PGM3: variants seen among roughly 807,000 people sequenced by gnomAD.
The protein encoded by PGM3 is phosphoglucomutase 3, also known as phosphoacetylglucosamine mutase.
A neutral mutation model predicts 66.2 loss-of-function variants in PGM3; 40 were observed. That is an observed-to-expected ratio of 0.60 (90% CI 0.47 to 0.79). The LOEUF is 0.79. PGM3 is among the 30% of genes least tolerant of loss of function. The probability of loss-of-function intolerance (pLI) is 0.00; values close to 1 mark genes in which losing one functional copy is unlikely to be tolerated. For synonymous variants in PGM3, 191 were observed against 224.2 expected (o/e 0.85, Z 1.32); for missense variants, 537 against 643.4 (o/e 0.83, Z 1.79).
rs998408838 is a variant in PGM3, at chr6:83,166,818, A to C, written c.*2416T>G. ...ATATTAAATTATTAGGTAAACAATG[A>C]AAGTTTCTGAGCAACATCTGATCTT... On this transcript the variant is annotated 3_prime_UTR_variant, in exon 13 of 13. Coordinates refer to ENST00000513973, the MANE Select transcript of PGM3 (RefSeq NM_015599.3). 3.9e-6 allele frequency: 4 copies of C among 1,015,548 alleles called. No individual in the cohort carries two copies. 62.9% of individuals were successfully genotyped at this position (1,015,548 alleles called of 1,614,324 possible).
the PGM3 span, chr6:83,156,134 C>CT: frequency 6.3e-7 from 1 of 1,575,542 alleles, no homozygotes; most frequent in Non-Finnish European, 8.6e-7. Context: ...TATTTTTTCT[C>CT]TAACTACAGG....
At chr6:83,150,753 A>T in the PGM3 span, among the ~76,000 whole-genome samples, 1 of 152,212 alleles carries the variant, frequency 6.6e-6, no homozygotes, top group Non-Finnish European at 1.5e-5. Flanking sequence ...ACTATTTTTA[A>T]TGTGTTATGG....
chr6:83,167,934 A>G lies in PGM3; in HGVS notation c.*1300T>C, dbSNP rs1408625896. 1 of 1,614,000 alleles carries G rather than the reference A, an allele frequency of 6.2e-7. No individual in the cohort carries two copies. The highest frequency in any genetic ancestry group is 8.5e-7 in the Non-Finnish European group (1 of 1,180,024). On this transcript the variant is annotated 3_prime_UTR_variant, in exon 13 of 13. Coordinates refer to ENST00000513973, the MANE Select transcript of PGM3 (RefSeq NM_015599.3). ...AGGGCACTTGCTGCTCACCATCTGC[A>G]CCGTGCGCAGTATGGAGCAGCTCCT...
At chr6:83,187,107 C>T (rs1788640242) in intron 3 of PGM3, 32 bp from the exon 4 acceptor site, 1 of 1,409,938 alleles carries the variant, frequency 7.1e-7, no homozygotes, top group Admixed American at 1.8e-5. Context: ...ATAATATATC[C>T]CATCCTGAAA....
chr6:83,179,758 C>A (rs1431017703), intron 7 of PGM3, 52 bp downstream of exon 7: 1 of 1,360,188 alleles, frequency 7.4e-7, no homozygotes, highest in Non-Finnish European at 1.0e-6. Flanking sequence ...AAATATGGAA[C>A]TATTTCACTA....
In PGM3 at chr6:83,166,288, C is replaced by T. The variant is rs112081983; in HGVS notation, c.*2946G>A. The T allele has an allele frequency of 3.1e-3, 1,865 of 595,350 alleles. 22 individuals carry two copies. The highest frequency in any genetic ancestry group is 0.03 in the African/African-American group (1,646 of 54,430). The allele number at this position is 595,350 out of a possible 1,614,324, so 36.9% of individuals were successfully genotyped here. A position where few individuals can be genotyped will look rare whatever the true frequency, so the allele number is the denominator to read the frequency against. On this transcript the variant is annotated 3_prime_UTR_variant, in exon 13 of 13. Transcript: ENST00000513973. ...CTTATAGTTGTAAGAGGATCAGCTT[C>T]GATGATGTTCTCAATTGGTCATTAT...
At position 83,168,726 on chromosome 6, in the gene PGM3, C is replaced by T. The variant is rs927152267; in HGVS notation, c.*508G>A. 4 of 997,198 alleles carry T rather than the reference C, an allele frequency of 4.0e-6. No homozygotes were observed. Among genetic ancestry groups the T allele is most frequent in the Non-Finnish European group, 4.8e-6 (4 of 836,540 alleles). The allele number at this position is 997,198 out of a possible 1,614,324, so 61.8% of individuals were successfully genotyped here. On this transcript the variant is annotated 3_prime_UTR_variant, in exon 13 of 13. Coordinates refer to ENST00000513973, the MANE Select transcript of PGM3 (RefSeq NM_015599.3). ...GGGATGGACAACCCCCTATTCATAC[C>T]TCTGAGTTCCTGATGGCATTAGTCA...
chr6:83,169,196 G>GT lies in PGM3; in HGVS notation c.*37dup. The GT allele has an allele frequency of 6.2e-7, 1 of 1,611,692 alleles. No individual in the cohort carries two copies. The highest frequency in any genetic ancestry group is 1.1e-5 in the South Asian group (1 of 90,702). ...ATTATTGACAGTTTTGTAAAGACTT[G>GT]TAAAAAGTCCAGTTTCTCAGGAATA... On this transcript the variant is annotated 3_prime_UTR_variant, in exon 13 of 13. Coordinates refer to ENST00000513973, the MANE Select transcript of PGM3 (RefSeq NM_015599.3).
rs568189878 is a variant in PGM3 at position 83,179,239 on chromosome 6, G to C, written c.946-483C>G. 2.0e-5 allele frequency among the ~76,000 whole-genome samples: 3 copies of C among 150,754 alleles called. No homozygotes were observed. The South Asian group carries it at 6.3e-4, about 32-fold the overall frequency. On this transcript the variant is annotated intron_variant, in intron 7 of 12. Coordinates refer to ENST00000513973, the MANE Select transcript of PGM3 (RefSeq NM_015599.3). ...GGCAGAAGAATTGCTTGAGCCCAGG[G>C]AGGCAGAGGTTGCAATGAGCCGAGA...
intron 2 of PGM3, 175 bp downstream of exon 2, chr6:83,190,634 C>T: frequency 4.9e-6 from 3 of 607,746 alleles, no homozygotes; most frequent in Non-Finnish European, 8.8e-6. Context: ...CCTTAGGAAT[C>T]ATGAGCTTAA....
chr6:83,152,708 C>A, the PGM3 span, among the ~76,000 whole-genome samples: 2 of 150,732 alleles, frequency 1.3e-5, no homozygotes, highest in African/African-American at 2.4e-5. Flanking sequence ...ACCTCTGCCT[C>A]CCGGGCTCAA....
the PGM3 span, chr6:83,151,824 A>G: frequency 2.2e-4 from 329 of 1,527,406 alleles, no homozygotes; most frequent in African/African-American, 3.8e-3. Context: ...AAACTACAGA[A>G]GTTCATAACT....
At chr6:83,152,620 CTTT>C in the PGM3 span, among the ~76,000 whole-genome samples, 11 of 133,870 alleles carry the variant, frequency 8.2e-5, no homozygotes, top group Admixed American at 2.3e-4. Flanking sequence ...TTTTCTTTTT[CTTT>C]TTTTTTTTTT....
chr6:83,164,509 A>G (rs1295035929), downstream of PGM3: 2 of 717,924 alleles, frequency 2.8e-6, no homozygotes, highest in African/African-American at 3.6e-5. Context: ...TAAATATGAC[A>G]GTCTTTTGCC....
At chr6:83,175,661 T>C (rs189631213) in intron 9 of PGM3, among the ~76,000 whole-genome samples, 1 of 152,240 alleles carries the variant, frequency 6.6e-6, no homozygotes, top group Admixed American at 6.5e-5. Flanking sequence ...TCTTTTCCTC[T>C]CCTATGGCCA....
At chr6:83,153,917 G>A in the PGM3 span, 27 of 1,612,400 alleles carry the variant, frequency 1.7e-5, no homozygotes, top group East Asian at 1.3e-4. Flanking sequence ...CCTAGTTATC[G>A]AGCTTGTGTC....
chr6:83,179,908 C>T lies in PGM3; in HGVS notation c.847G>A (p.Val283Ile), dbSNP rs1339891026. The T allele has an allele frequency of 1.9e-6, 3 of 1,612,184 alleles. No individual in the cohort carries two copies. In the Admixed American group the frequency reaches 5.0e-5, roughly 27 times the overall value. Reference sequence around the variant, plus strand: ...CCATCTGCATCATGGTAGTAATAAACAATTCTGTCTGCATCTCCATCAAAA... The same window carrying T: ...CCATCTGCATCATGGTAGTAATAAATAATTCTGTCTGCATCTCCATCAAAA... ...CSFDGDADRI[V>I]YYYHDADGHF... The change falls in exon 7 of 13, where the codon GTT (valine) becomes ATT (isoleucine). Residue 283 changes from valine to isoleucine, a missense_variant. By Grantham distance (29) the Val-to-Ile change is conservative. Coordinates refer to ENST00000513973, the MANE Select transcript of PGM3 (RefSeq NM_015599.3).
intron 9 of PGM3, among the ~76,000 whole-genome samples, chr6:83,174,691 C>T (rs949670348): frequency 2.0e-5 from 3 of 152,048 alleles, no homozygotes; most frequent in Non-Finnish European, 2.9e-5. Flanking sequence ...ATTTTATTTG[C>T]GGATTATATA....
Position 83,171,955 on chromosome 6 carries a change from G to C in PGM3, c.1347C>G (p.Asn449Lys), listed in dbSNP as rs1787240790. The change falls in exon 11 of 13, where the codon AAC (asparagine) becomes AAG (lysine). Residue 449 changes from asparagine (N) to lysine (K), a missense_variant. Physicochemically the swap from Asn to Lys is moderately conservative, Grantham distance 94. Transcript: ENST00000513973. Reference protein sequence around the residue: ...QWDALYTDLPNRQLKVQVADR... With the variant: ...QWDALYTDLPKRQLKVQVADR... ...CTCACACCTGAACTTTAAGTTGTCT[G>C]TTTGGAAGATCTGTATAGAGAGCAT... 6.2e-7 allele frequency: 1 copy of C among 1,613,076 alleles called. No homozygotes were observed.
Sources: gnomAD v4.1 joint callset for allele counts (sites outside exome capture counted in the v4.1 genomes callset) on GRCh38, gnomAD v4.1.1 for gene constraint, MANE v1.5 for transcripts, NCBI Gene and HGNC (gene_info 2026-07-23, HGNC 2026-07-21) for gene names.